DCC: variants seen among roughly 807,000 people sequenced by gnomAD.
DCC encodes the protein DCC netrin 1 receptor, also known as netrin receptor DCC.
DCC carries 58 observed loss-of-function variants against 172.5 expected under a neutral mutation model. That is an observed-to-expected ratio of 0.34 (90% confidence interval 0.27 to 0.42). DCC has a LOEUF of 0.42. DCC is among the 10% of genes least tolerant of loss of function. DCC has a pLI of 1.00. For missense variants in DCC, 1,740 were observed against 1,791.0 expected (o/e 0.97, Z 0.51); for synonymous variants, 709 against 644.5 (o/e 1.10, Z -1.52).
chr18:52,517,968 AT>A (rs753767084), intron 1 of DCC, among the ~76,000 whole-genome samples: 5 of 152,110 alleles, frequency 3.3e-5, no homozygotes, highest in African/African-American at 7.2e-5. Context: ...GTTGATGGAC[AT>A]TTTTTCCTTC....
chr18:52,904,798 T>G (rs1366001422), intron 2 of DCC, among the ~76,000 whole-genome samples: 3 of 152,162 alleles, frequency 2.0e-5, no homozygotes, highest in East Asian at 3.8e-4. Flanking sequence ...ATTAAAACAA[T>G]TCTGGAATGA....
chr18:52,668,540 A>G (rs1360092074), intron 1 of DCC, among the ~76,000 whole-genome samples: 10 of 152,180 alleles, frequency 6.6e-5, no homozygotes, highest in African/African-American at 2.2e-4. Flanking sequence ...GAATTTAGAG[A>G]TGAAAGAATA....
intron 15 of DCC, among the ~76,000 whole-genome samples, chr18:53,378,545 G>A (rs1907481230): frequency 6.6e-6 from 1 of 152,124 alleles, no homozygotes; most frequent in South Asian, 2.1e-4. Context: ...TTTAGGATCA[G>A]GAAATCTGAG....
intron 1 of DCC, among the ~76,000 whole-genome samples, chr18:52,675,990 A>G (rs1378046995): frequency 6.6e-6 from 1 of 152,222 alleles, no homozygotes; most frequent in Non-Finnish European, 1.5e-5. Flanking sequence ...AATTATCTGT[A>G]AAATGAGAAT....
intron 16 of DCC, among the ~76,000 whole-genome samples, chr18:53,390,529 C>A (rs1302908612): frequency 3.3e-5 from 5 of 152,078 alleles, no homozygotes; most frequent in African/African-American, 1.2e-4. Context: ...TTATCATATG[C>A]CCAGCCTGAG....
At chr18:52,586,159 C>A (rs2033669637) in intron 1 of DCC, among the ~76,000 whole-genome samples, 1 of 148,750 alleles carries the variant, frequency 6.7e-6, no homozygotes, top group Non-Finnish European at 1.5e-5. Flanking sequence ...TCAATAAATT[C>A]TTATTGAATC....
intron 13 of DCC, among the ~76,000 whole-genome samples, chr18:53,308,477 G>C (rs890213826): frequency 3.3e-5 from 5 of 151,958 alleles, no homozygotes; most frequent in African/African-American, 1.2e-4. Context: ...TACAATTTTT[G>C]CTTTCAAAAA....
At chr18:53,090,759 A>G (rs1362358536) in intron 7 of DCC, among the ~76,000 whole-genome samples, 3 of 142,190 alleles carry the variant, frequency 2.1e-5, no homozygotes, top group Non-Finnish European at 4.6e-5. Context: ...TCTTGATGCT[A>G]AAACTATCCT....
chr18:53,325,496 A>G (rs1272009532), intron 14 of DCC, among the ~76,000 whole-genome samples: 3 of 152,214 alleles, frequency 2.0e-5, no homozygotes, highest in Admixed American at 6.5e-5. Flanking sequence ...ATGAGTCACA[A>G]CTTAAGTAGA....
chr18:53,194,882 C>G (rs546764977), intron 9 of DCC, among the ~76,000 whole-genome samples: 1 of 152,294 alleles, frequency 6.6e-6, no homozygotes, highest in South Asian at 2.1e-4. Context: ...TCTTCATGTT[C>G]TTCTAACAAT....
At chr18:53,263,449 G>C (rs2056629709) in intron 12 of DCC, among the ~76,000 whole-genome samples, 1 of 152,168 alleles carries the variant, frequency 6.6e-6, no homozygotes, top group African/African-American at 2.4e-5. Flanking sequence ...ACCACACCCA[G>C]CCTGAAGTGT....
At chr18:53,101,113 C>A (rs2043166512) in intron 7 of DCC, among the ~76,000 whole-genome samples, 1 of 152,016 alleles carries the variant, frequency 6.6e-6, no homozygotes, top group Non-Finnish European at 1.5e-5. Flanking sequence ...TATAGCATAA[C>A]AAATCGAATA....
intron 1 of DCC, among the ~76,000 whole-genome samples, chr18:52,400,125 G>A (rs1483873035): frequency 6.6e-6 from 1 of 151,904 alleles, no homozygotes; most frequent in Non-Finnish European, 1.5e-5. Flanking sequence ...CAACCCAAAT[G>A]TGTGACATTA....
chr18:52,676,316 G>A (rs916316812), intron 1 of DCC, among the ~76,000 whole-genome samples: 4 of 152,130 alleles, frequency 2.6e-5, no homozygotes, highest in Non-Finnish European at 5.9e-5. Context: ...TGAAGTACTC[G>A]GGAAGGCATG....
intron 2 of DCC, among the ~76,000 whole-genome samples, chr18:52,894,347 AT>A (rs1261237743): frequency 3.3e-5 from 5 of 151,936 alleles, no homozygotes; most frequent in Admixed American, 3.3e-4. Context: ...CACATATTAG[AT>A]GTCCAATAAA....
At chr18:53,485,635 A>G (rs867374339) in intron 25 of DCC, among the ~76,000 whole-genome samples, 3 of 152,148 alleles carry the variant, frequency 2.0e-5, no homozygotes, top group South Asian at 2.1e-4. Context: ...GAAACGTTAT[A>G]AATATACTGA....
At chr18:53,054,611 G>T (rs2042378937) in intron 5 of DCC, among the ~76,000 whole-genome samples, 1 of 152,078 alleles carries the variant, frequency 6.6e-6, no homozygotes, top group Non-Finnish European at 1.5e-5. Context: ...GAGATGGAAA[G>T]CTTAGTCTGG....
intron 18 of DCC, among the ~76,000 whole-genome samples, chr18:53,402,401 A>T (rs5000396): frequency 0.54 from 78,709 of 144,692 alleles, 21,881 homozygotes; most frequent in East Asian, 0.75. Flanking sequence ...AAAAAAAAAA[A>T]AAATAAATAA....
At chr18:53,352,724 G>T (rs994707468) in intron 15 of DCC, among the ~76,000 whole-genome samples, 2 of 152,044 alleles carry the variant, frequency 1.3e-5, no homozygotes, top group Admixed American at 6.6e-5. Flanking sequence ...TACATTTAAT[G>T]TGAATATAGA....
Sources: gnomAD v4.1 joint callset for allele counts (sites outside exome capture counted in the v4.1 genomes callset) on GRCh38, gnomAD v4.1.1 for gene constraint, MANE v1.5 for transcripts, NCBI Gene and HGNC (gene_info 2026-07-23, HGNC 2026-07-21) for gene names.